Variants in FYCO1 observed in about 807,000 individuals in gnomAD.
FYCO1 encodes FYVE and coiled-coil domain-containing protein 1.
FYCO1 carries 122 observed loss-of-function variants against 165.1 expected under a neutral mutation model. The ratio of observed to expected loss-of-function variants is 0.74; its 90% CI spans 0.64 to 0.86. The LOEUF (loss-of-function observed/expected upper bound fraction) is 0.86. Among genes scored for constraint, FYCO1 ranks in the 40% least tolerant of loss-of-function variants. The pLI is 0.00. For missense variants in FYCO1, 1,702 were observed against 1,810.3 expected (o/e 0.94, Z 1.09); for synonymous variants, 648 against 742.5 (o/e 0.87, Z 2.07).
At chr3:45,980,896 T>C (rs1707012943) in intron 3 of FYCO1, among the ~76,000 whole-genome samples, 1 of 152,234 alleles carries the variant, frequency 6.6e-6, no homozygotes. Context: ...CCTGCCTATT[T>C]TAGTTGCATG....
chr3:45,930,921 T>G (rs1004968634), intron 16 of FYCO1, 150 bp downstream of exon 16: 1 of 761,936 alleles, frequency 1.3e-6, no homozygotes, highest in Admixed American at 2.0e-5. Flanking sequence ...GCCCAGGTGC[T>G]CTGCCTTCTC....
intron 16 of FYCO1, among the ~76,000 whole-genome samples, chr3:45,926,500 C>T (rs918603646): frequency 6.6e-6 from 1 of 152,120 alleles, no homozygotes; most frequent in African/African-American, 2.4e-5. Context: ...CTTCAAAATA[C>T]ATGATACAAA....
In FYCO1 at chr3:45,967,253, T is replaced by C. The variant is rs1418634877; in HGVS notation, c.2081A>G (p.Gln694Arg). The change falls in exon 8 of 18, where the codon CAG becomes CGG. Residue 694 changes from glutamine to arginine, a missense_variant. Physicochemically the swap from Gln to Arg is conservative, Grantham distance 43. Coordinates refer to ENST00000296137, the MANE Select transcript of FYCO1 (RefSeq NM_024513.4). Reference sequence around the variant, plus strand: ...TAGAATGGCCTCCTTCTCTGCCATCTGGGCTTTCATGGCCTCCTTGGCCTT... The same window carrying C: ...TAGAATGGCCTCCTTCTCTGCCATCCGGGCTTTCATGGCCTCCTTGGCCTT... ...VRKAKEAMKA[Q>R]MAEKEAILQS... 2.5e-6 allele frequency: 4 copies of C among 1,614,030 alleles called. No homozygotes were observed. The highest frequency in any genetic ancestry group is 1.3e-5 in the African/African-American group (1 of 74,946).
At chr3:45,932,779 C>T (rs1052962469) in intron 15 of FYCO1, among the ~76,000 whole-genome samples, 1 of 152,162 alleles carries the variant, frequency 6.6e-6, no homozygotes, top group Admixed American at 6.5e-5. Context: ...CAATTCAATG[C>T]GATACTTCTC....
Position 45,964,629 on chromosome 3 carries a change from T to C in FYCO1, c.3151-175A>G. On this transcript the variant is annotated intron_variant, in intron 9 of 17. Coordinates refer to ENST00000296137, the MANE Select transcript of FYCO1 (RefSeq NM_024513.4). The surrounding 1 kb of genome is among the most constrained non-coding windows in gnomAD (Gnocchi z 4.1). ...TGCTCTATATTTGTGGGGCCTCAAC[T>C]GCAACTAGTTGTGGTGGTTGGCAAG... is the stretch of plus-strand genomic sequence containing the variant. The C allele has an allele frequency of 1.2e-6, 1 of 837,270 alleles. No individual in the cohort carries two copies. Among genetic ancestry groups the C allele is most frequent in the African/African-American group, 1.8e-5 (1 of 54,570 alleles). The allele number at this position is 837,270 out of a possible 1,614,324, so 51.9% of individuals were successfully genotyped here. A position where few individuals can be genotyped will look rare whatever the true frequency, so the allele number is the denominator to read the frequency against.
chr3:45,976,566 T>C (rs1706771590), intron 4 of FYCO1, among the ~76,000 whole-genome samples: 1 of 152,150 alleles, frequency 6.6e-6, no homozygotes. Flanking sequence ...TCCCCACCCC[T>C]TCAAAGGTCA....
At chr3:45,979,676 T>C (rs200841595) in intron 4 of FYCO1, 29 bp downstream of exon 4, 6 of 1,612,908 alleles carry the variant, frequency 3.7e-6, no homozygotes, top group Middle Eastern at 1.7e-4. Context: ...AAGGACGACA[T>C]GAAGTTGTTG....
chr3:45,942,720 C>T (rs1033929078), intron 14 of FYCO1, among the ~76,000 whole-genome samples: 2 of 152,178 alleles, frequency 1.3e-5, no homozygotes, highest in Non-Finnish European at 2.9e-5. Context: ...ACAACTAGAA[C>T]TGTACTGAGA....
intron 10 of FYCO1, among the ~76,000 whole-genome samples, chr3:45,963,330 C>T (rs947211182): frequency 2.6e-5 from 4 of 152,160 alleles, no homozygotes; most frequent in Non-Finnish European, 5.9e-5. Flanking sequence ...TTACAAAAAA[C>T]CACTGTTTAT....
In FYCO1 at chr3:45,966,936, G is replaced by A. The variant is rs200646936; in HGVS notation, c.2398C>T (p.Arg800Trp). 3.2e-5 allele frequency: 52 copies of A among 1,613,630 alleles called. No individual in the cohort carries two copies. The highest frequency in any genetic ancestry group is 2.4e-4 in the African/African-American group (18 of 75,052). The change falls in exon 8 of 18, where the codon CGG becomes TGG. Residue 800 changes from arginine to tryptophan, a missense_variant. Coordinates refer to ENST00000296137, the MANE Select transcript of FYCO1 (RefSeq NM_024513.4). ...TTGTCCTGGTCATCCAGGGCTGCCC[G>A]CATCTTGGCCTGGAGGTCCACCACC... ...AQVVDLQAKMRAALDDQDKVQ... is the reference protein window; with the variant it reads ...AQVVDLQAKMWAALDDQDKVQ...
At chr3:45,947,308 T>A (rs1049395994) in intron 14 of FYCO1, 4 of 1,614,196 alleles carry the variant, frequency 2.5e-6, no homozygotes, top group South Asian at 2.2e-5. Flanking sequence ...ACAGAGGCCA[T>A]CGCATACCTG....
At chr3:45,958,163 C>T (rs564575521) in intron 13 of FYCO1, among the ~76,000 whole-genome samples, 1 of 152,340 alleles carries the variant, frequency 6.6e-6, no homozygotes, top group African/African-American at 2.4e-5. Context: ...TTAACAGGTA[C>T]ATAGACTTCA....
At position 45,967,745 on chromosome 3, in the gene FYCO1, C is replaced by T; in HGVS notation, c.1589G>A (p.Ser530Asn). Residue 530 changes from serine to asparagine, a missense_variant, in exon 8 of 18, where the codon AGT becomes AAT. Physicochemically the swap from Ser to Asn is conservative, Grantham distance 46 (BLOSUM62 1). Coordinates refer to ENST00000296137, the MANE Select transcript of FYCO1 (RefSeq NM_024513.4). Reference protein sequence around the residue: ...TQLAQVSQHVSDLEEQKKQLI... With the variant: ...TQLAQVSQHVNDLEEQKKQLI... ...CTGCTTCTTCTGCTCCTCCAGGTCA[C>T]TCACATGTTGGCTCACCTGTGCCAG... is the stretch of plus-strand genomic sequence containing the variant. 3.1e-6 allele frequency: 5 copies of T among 1,613,422 alleles called. No homozygotes were observed. Among genetic ancestry groups the T allele is most frequent in the Non-Finnish European group, 4.2e-6 (5 of 1,180,036 alleles).
chr3:45,977,358 TATATATATATATATATATATATATA>T (rs1429340832), intron 4 of FYCO1, among the ~76,000 whole-genome samples: 12 of 4,652 alleles, frequency 2.6e-3, no homozygotes, highest in African/African-American at 5.0e-3. Flanking sequence ...TAAATATATA[TATATATATATATATATATATATATA>T]TATATATATA....
Position 45,968,465 on chromosome 3 carries a change from C to G in FYCO1, c.869G>C (p.Arg290Pro). Residue 290 changes from arginine (R) to proline (P), a missense_variant, in exon 8 of 18, where the codon CGC becomes CCC. Coordinates refer to ENST00000296137, the MANE Select transcript of FYCO1 (RefSeq NM_024513.4). ...RGRTAAEDNV[R>P]LTCLVAELQK... ...GAGCTCAGCTACCAAGCAAGTGAGG[C>G]GAACGTTGTCCTCCGCTGCAGTGCG... 1 of 1,614,042 alleles carries G rather than the reference C, an allele frequency of 6.2e-7. No individual in the cohort carries two copies. The highest frequency in any genetic ancestry group is 8.5e-7 in the Non-Finnish European group (1 of 1,180,054).
At chr3:45,969,564 G>T in intron 7 of FYCO1, 111 bp downstream of exon 7, 1 of 809,912 alleles carries the variant, frequency 1.2e-6, no homozygotes. Flanking sequence ...TGGTTCTATT[G>T]CTCTGGCTGG....
chr3:45,955,135 G>A, intron 14 of FYCO1, 114 bp downstream of exon 14: 1 of 1,270,844 alleles, frequency 7.9e-7, no homozygotes, highest in South Asian at 1.2e-5. Context: ...TGTTCCCTTA[G>A]GCAAGGACAG....
intron 13 of FYCO1, among the ~76,000 whole-genome samples, chr3:45,956,370 AAATAAATAAATG>A (rs1240282441): frequency 4.1e-5 from 6 of 147,584 alleles, no homozygotes; most frequent in African/African-American, 1.5e-4. Context: ...ATAAATAAAT[AAATAAATAAATG>A]AGTAGACAGG....
At chr3:45,932,363 C>G (rs895696664) in intron 15 of FYCO1, among the ~76,000 whole-genome samples, 3 of 152,220 alleles carry the variant, frequency 2.0e-5, no homozygotes, top group African/African-American at 7.2e-5. Flanking sequence ...CATCATAGGC[C>G]ACGCCCTGTG....
Sources: allele counts gnomAD v4.1 joint callset (sites outside exome capture counted in the v4.1 genomes callset), GRCh38; gene constraint gnomAD v4.1.1; non-coding constraint Gnocchi (gnomAD v3.1); transcripts MANE v1.5; gene names NCBI Gene and HGNC (gene_info 2026-07-23, HGNC 2026-07-21).